ANK3: variants seen among roughly 807,000 people sequenced by gnomAD.
ANK3 encodes ankyrin-3.
In ANK3, 57 loss-of-function variants were observed where a neutral mutation model predicts 370.9. The observed-to-expected ratio is 0.15, with a 90% CI of 0.12 to 0.19. ANK3 has a LOEUF of 0.19. Ranked by LOEUF, ANK3 falls within the 10% of genes least tolerant of loss-of-function variation. The pLI, the probability that ANK3 is intolerant of heterozygous loss-of-function variation, is 1.00. For synonymous variants in ANK3, 1,929 were observed against 1,946.3 expected (o/e 0.99, Z 0.23); for missense variants, 4,439 against 5,302.1 (o/e 0.84, Z 5.06).
At chr10:60,376,808 T>C (rs2060842162) in intron 1 of ANK3, among the ~76,000 whole-genome samples, 1 of 152,198 alleles carries the variant, frequency 6.6e-6, no homozygotes, top group Admixed American at 6.5e-5. Context: ...ACTAATTCTA[T>C]AATAATGAAG....
chr10:60,283,802 A>C (rs1368779370), intron 1 of ANK3, among the ~76,000 whole-genome samples: 6 of 152,306 alleles, frequency 3.9e-5, no homozygotes, highest in Non-Finnish European at 8.8e-5. Context: ...TGCCAACCTC[A>C]GTAATACTTC....
intron 2 of ANK3, among the ~76,000 whole-genome samples, chr10:60,547,036 A>C (rs2076978709): frequency 6.6e-6 from 1 of 150,812 alleles, no homozygotes; most frequent in Non-Finnish European, 1.5e-5. Flanking sequence ...ACTACTACTA[A>C]TGTTGTCTTT....
chr10:60,503,512 A>G (rs2075858450), intron 2 of ANK3, among the ~76,000 whole-genome samples: 1 of 152,196 alleles, frequency 6.6e-6, no homozygotes, highest in Admixed American at 6.5e-5. Flanking sequence ...TTCTAAGGTC[A>G]CATGAGCAAG....
At chr10:60,589,440 A>T (rs1306171549) in intron 2 of ANK3, among the ~76,000 whole-genome samples, 1 of 152,238 alleles carries the variant, frequency 6.6e-6, no homozygotes, top group Non-Finnish European at 1.5e-5. Context: ...AAATGGCATC[A>T]TATAAACATG....
chr10:60,491,128 A>G (rs1298457129), intron 2 of ANK3, among the ~76,000 whole-genome samples: 1 of 152,056 alleles, frequency 6.6e-6, no homozygotes, highest in African/African-American at 2.4e-5. Flanking sequence ...TCAATTTTTA[A>G]TTGTTGATTA....
rs368681709 is a variant in ANK3 at position 60,454,262 on chromosome 10, ATGTACTGTTC to A, written c.96+160914_96+160923del. ...TCGTTCTGTCTTCCTCGACATTAAA[ATGTACTGTTC>A]TGTATACACTGGAAAATGAGAGAGG... is the stretch of plus-strand genomic sequence containing the variant. On this transcript the variant is annotated intron_variant, in intron 2 of 43. Coordinates refer to the ANK3 transcript ENST00000373827. 5.0e-3 allele frequency among the ~76,000 whole-genome samples: 755 copies of A among 152,334 alleles called. 3 individuals are homozygous for A. Among genetic ancestry groups the A allele is most frequent in the Non-Finnish European group, 6.3e-3 (430 of 68,022 alleles).
At chr10:60,688,727 T>A (rs1028733263) in intron 1 of ANK3, among the ~76,000 whole-genome samples, 2 of 151,924 alleles carry the variant, frequency 1.3e-5, no homozygotes, top group African/African-American at 2.4e-5. Flanking sequence ...GGCGGGCGGA[T>A]CACGAGGTCA....
At chr10:60,512,505 T>C (rs2076112614) in intron 2 of ANK3, among the ~76,000 whole-genome samples, 1 of 152,126 alleles carries the variant, frequency 6.6e-6, no homozygotes, top group Non-Finnish European at 1.5e-5. Flanking sequence ...AGAAAAAAGA[T>C]CTTTCTGCAG....
chr10:60,308,386 G>A (rs953020709), intron 1 of ANK3, among the ~76,000 whole-genome samples: 1 of 135,536 alleles, frequency 7.4e-6, no homozygotes, highest in African/African-American at 2.8e-5. Context: ...TGCAACCTCC[G>A]CCTTTCAGCC....
chr10:60,477,735 A>C (rs984920652), intron 2 of ANK3, among the ~76,000 whole-genome samples: 1 of 152,094 alleles, frequency 6.6e-6, no homozygotes, highest in Non-Finnish European at 1.5e-5. Flanking sequence ...CCCACATAAA[A>C]ATTATATAAA....
intron 1 of ANK3, among the ~76,000 whole-genome samples, chr10:60,371,938 A>T (rs2060158808): frequency 6.6e-6 from 1 of 152,210 alleles, no homozygotes; most frequent in Non-Finnish European, 1.5e-5. Flanking sequence ...TGTAGACCAT[A>T]GGGTTGTTCC....
chr10:60,723,989 T>C (rs917021926), intron 1 of ANK3, among the ~76,000 whole-genome samples: 3 of 148,396 alleles, frequency 2.0e-5, no homozygotes, highest in Non-Finnish European at 3.0e-5. Flanking sequence ...GGCGGGCTGA[T>C]CACGAGGTCA....
intron 23 of ANK3, among the ~76,000 whole-genome samples, chr10:60,148,474 A>G (rs2094935877): frequency 6.6e-6 from 1 of 152,210 alleles, no homozygotes; most frequent in Non-Finnish European, 1.5e-5. Flanking sequence ...AAGCACTTTT[A>G]GCCACAAAGA....
intron 1 of ANK3, among the ~76,000 whole-genome samples, chr10:60,366,111 GATC>G (rs1301646859): frequency 6.6e-6 from 1 of 152,232 alleles, no homozygotes; most frequent in African/African-American, 2.4e-5. Context: ...AAGGCAAATG[GATC>G]ATCACTTGAG....
At chr10:60,542,734 T>C (rs906306228) in intron 2 of ANK3, among the ~76,000 whole-genome samples, 2 of 152,030 alleles carry the variant, frequency 1.3e-5, no homozygotes, top group Admixed American at 6.6e-5. Flanking sequence ...TTATCTCTCC[T>C]GCCTTGAAAT....
intron 2 of ANK3, among the ~76,000 whole-genome samples, chr10:60,529,561 T>C (rs1567121931): frequency 6.6e-6 from 1 of 152,086 alleles, no homozygotes; most frequent in Non-Finnish European, 1.5e-5. Flanking sequence ...GTAAGCTGGT[T>C]TTCCTCCTAT....
At chr10:60,371,533 G>C (rs182403740) in intron 1 of ANK3, among the ~76,000 whole-genome samples, 4 of 152,222 alleles carry the variant, frequency 2.6e-5, no homozygotes, top group African/African-American at 9.6e-5. Context: ...CCAAAATGTT[G>C]AAATATTGTT....
chr10:60,643,527 T>TCTAC (rs2078665905), intron 1 of ANK3, among the ~76,000 whole-genome samples: 1 of 151,782 alleles, frequency 6.6e-6, no homozygotes, highest in South Asian at 2.1e-4. Context: ...TATCTATCTA[T>TCTAC]CTATCTATCT....
intron 5 of ANK3, among the ~76,000 whole-genome samples, chr10:60,265,971 T>C (rs558787608): frequency 6.6e-6 from 1 of 152,294 alleles, no homozygotes; most frequent in South Asian, 2.1e-4. Context: ...TGCCCTCTTC[T>C]TTTCTCTATG....
Sources: allele counts gnomAD v4.1 joint callset (sites outside exome capture counted in the v4.1 genomes callset), GRCh38; gene constraint gnomAD v4.1.1; transcripts MANE v1.5; gene names NCBI Gene and HGNC (gene_info 2026-07-23, HGNC 2026-07-21).